Variants in PCDH9 observed in about 807,000 individuals in gnomAD.
PCDH9 encodes the protein protocadherin-9.
PCDH9 carries 24 observed loss-of-function variants against 70.6 expected under a neutral mutation model. The observed-to-expected ratio is 0.34, with a 90% confidence interval of 0.25 to 0.48. The LOEUF (loss-of-function observed/expected upper bound fraction) is 0.48, where lower values mean the gene tolerates loss of function less well. PCDH9 is among the 20% of genes least tolerant of loss of function. The probability of loss-of-function intolerance (pLI) is 0.99; values close to 1 mark genes in which losing one functional copy is unlikely to be tolerated. For missense variants in PCDH9, 1,281 were observed against 1,503.6 expected (o/e 0.85, Z 2.45); for synonymous variants, 562 against 558.5 (o/e 1.01, Z -0.09).
At chr13:66,712,560 A>G (rs189900808) in intron 3 of PCDH9, among the ~76,000 whole-genome samples, 1 of 152,192 alleles carries the variant, frequency 6.6e-6, no homozygotes, top group East Asian at 1.9e-4. Flanking sequence ...TTACAATTTT[A>G]AAATAAAGTA....
chr13:66,708,045 ATTTTAT>A (rs1306583253), intron 3 of PCDH9, among the ~76,000 whole-genome samples: 267 of 151,672 alleles, frequency 1.8e-3, no homozygotes, highest in African/African-American at 6.1e-3. Flanking sequence ...ATTTTATTTT[ATTTTAT>A]TTTTTTTTTA....
At chr13:66,912,650 T>C (rs1355619678) in intron 2 of PCDH9, among the ~76,000 whole-genome samples, 2 of 152,058 alleles carry the variant, frequency 1.3e-5, no homozygotes, top group Non-Finnish European at 2.9e-5. Context: ...GTACTATATA[T>C]GCATAAAATA....
intron 3 of PCDH9, among the ~76,000 whole-genome samples, chr13:66,865,644 A>G (rs1003201885): frequency 6.6e-5 from 10 of 152,182 alleles, no homozygotes; most frequent in African/African-American, 1.9e-4. Flanking sequence ...TGGTGTAGGT[A>G]TGCCTGATGA....
intron 2 of PCDH9, among the ~76,000 whole-genome samples, chr13:67,084,485 C>T (rs1356767288): frequency 1.3e-5 from 2 of 152,126 alleles, no homozygotes; most frequent in Non-Finnish European, 2.9e-5. Flanking sequence ...TCTTTTAGGC[C>T]AAAACCATAC....
chr13:66,697,286 C>A (rs930849978), intron 3 of PCDH9, among the ~76,000 whole-genome samples: 1 of 151,900 alleles, frequency 6.6e-6, no homozygotes, highest in East Asian at 1.9e-4. Flanking sequence ...TTCTCCCCCC[C>A]CAAAAAATAT....
At chr13:66,999,223 A>T (rs933263692) in intron 2 of PCDH9, among the ~76,000 whole-genome samples, 1 of 152,192 alleles carries the variant, frequency 6.6e-6, no homozygotes, top group South Asian at 2.1e-4. Context: ...TAATATCTAA[A>T]TTCAATTAAT....
chr13:67,018,924 A>G (rs1425556159), intron 2 of PCDH9, among the ~76,000 whole-genome samples: 7 of 152,146 alleles, frequency 4.6e-5, no homozygotes, highest in Non-Finnish European at 1.0e-4. Context: ...TTCTGATCTC[A>G]TGATTTCACA....
intron 2 of PCDH9, among the ~76,000 whole-genome samples, chr13:67,144,374 A>C (rs969752297): frequency 6.6e-6 from 1 of 152,196 alleles, no homozygotes; most frequent in African/African-American, 2.4e-5. Flanking sequence ...TCATGTAAGA[A>C]GAGGCTTGCT....
At chr13:66,917,881 A>G (rs922800979) in intron 2 of PCDH9, among the ~76,000 whole-genome samples, 1 of 151,322 alleles carries the variant, frequency 6.6e-6, no homozygotes. Flanking sequence ...CCCTACATAC[A>G]GGACATAATC....
At chr13:67,121,615 T>G (rs904877916) in intron 2 of PCDH9, among the ~76,000 whole-genome samples, 2 of 152,214 alleles carry the variant, frequency 1.3e-5, no homozygotes, top group Non-Finnish European at 2.9e-5. Context: ...CTTAAAGGTA[T>G]GCCCTTTCAG....
intron 2 of PCDH9, among the ~76,000 whole-genome samples, chr13:66,937,938 C>T (rs2082944113): frequency 6.7e-6 from 1 of 150,186 alleles, no homozygotes; most frequent in Non-Finnish European, 1.5e-5. Flanking sequence ...CAATAAAACT[C>T]CTTTAAGTTT....
chr13:67,059,185 T>C (rs1184664084), intron 2 of PCDH9, among the ~76,000 whole-genome samples: 1 of 151,788 alleles, frequency 6.6e-6, no homozygotes, highest in East Asian at 1.9e-4. Flanking sequence ...AACTTCTTGC[T>C]ACCCAGAAAC....
intron 3 of PCDH9, among the ~76,000 whole-genome samples, chr13:66,872,938 G>A (rs536344695): frequency 5.3e-5 from 8 of 152,166 alleles, no homozygotes; most frequent in African/African-American, 1.9e-4. Flanking sequence ...TATAGAGATG[G>A]CCCACACCAT....
chr13:66,590,159 A>G (rs893849491), intron 4 of PCDH9, among the ~76,000 whole-genome samples: 4 of 152,014 alleles, frequency 2.6e-5, no homozygotes, highest in Non-Finnish European at 4.4e-5. Context: ...CATAGATATC[A>G]TGTAAATTTG....
intron 3 of PCDH9, among the ~76,000 whole-genome samples, chr13:66,760,988 T>A (rs2079618476): frequency 6.6e-6 from 1 of 152,196 alleles, no homozygotes; most frequent in Non-Finnish European, 1.5e-5. Flanking sequence ...CCTGTTAAGA[T>A]GTTTATCAAT....
intron 3 of PCDH9, among the ~76,000 whole-genome samples, chr13:66,784,072 T>A (rs2139304494): frequency 6.6e-6 from 1 of 152,278 alleles, no homozygotes; most frequent in Admixed American, 6.6e-5. Flanking sequence ...ATATAAAAAT[T>A]ATTTAGCATA....
At chr13:66,407,851 A>C (rs1051236181) in intron 4 of PCDH9, among the ~76,000 whole-genome samples, 2 of 152,158 alleles carry the variant, frequency 1.3e-5, no homozygotes, top group African/African-American at 4.8e-5. Context: ...TTACACCTTA[A>C]AACTACATGT....
At chr13:66,764,752 T>C (rs867134537) in intron 3 of PCDH9, among the ~76,000 whole-genome samples, 125 of 152,126 alleles carry the variant, frequency 8.2e-4, no homozygotes, top group African/African-American at 2.8e-3. Context: ...GGCCAAAACA[T>C]GCTTCTACAA....
intron 4 of PCDH9, among the ~76,000 whole-genome samples, chr13:66,592,394 T>C (rs951628439): frequency 3.3e-5 from 5 of 151,682 alleles, no homozygotes; most frequent in Admixed American, 1.3e-4. Context: ...CAATATTTAA[T>C]AGTTAATTGA....
Sources: gnomAD v4.1 joint callset for allele counts (sites outside exome capture counted in the v4.1 genomes callset) on GRCh38, gnomAD v4.1.1 for gene constraint, MANE v1.5 for transcripts, NCBI Gene and HGNC (gene_info 2026-07-23, HGNC 2026-07-21) for gene names.